Variants in EFL1 observed in about 807,000 individuals in gnomAD.
The protein encoded by EFL1 is elongation factor-like GTPase 1.
In EFL1, 76 loss-of-function variants were observed where a neutral mutation model predicts 126.7. The ratio of observed to expected loss-of-function variants is 0.60; its 90% CI spans 0.50 to 0.73. The LOEUF is 0.73. Ranked by LOEUF, EFL1 falls within the 30% of genes least tolerant of loss-of-function variation. EFL1 has a pLI of 0.00. For synonymous variants in EFL1, 410 were observed against 448.4 expected, an observed-to-expected ratio of 0.91 and a Z score of 1.08; for missense variants, 1,128 against 1,343.2, an observed-to-expected ratio of 0.84 and a Z score of 2.50.
chr15:82,251,860 G>T (rs1335140643), intron 4 of EFL1, among the ~76,000 whole-genome samples: 2 of 152,118 alleles, frequency 1.3e-5, no homozygotes, highest in Non-Finnish European at 2.9e-5. Context: ...TACATTTTGT[G>T]TAAAATTTTC....
rs560069981 is a variant in EFL1 at position 82,143,360 on chromosome 15, G to T, written c.2990-4518C>A. Reference sequence around the variant, plus strand: ...GCAAAATGTACTATTATGGACAAGGGTTGTAAAAGAAAATGGGAAATAAAG... The same window carrying T: ...GCAAAATGTACTATTATGGACAAGGTTTGTAAAAGAAAATGGGAAATAAAG... On this transcript the variant is annotated intron_variant, in intron 18 of 19. Coordinates refer to ENST00000268206, the MANE Select transcript of EFL1 (RefSeq NM_024580.6). Among the ~76,000 whole-genome samples, 13 of 152,258 alleles carry T rather than the reference G, an allele frequency of 8.5e-5. 1 individual carries two copies. In the South Asian group the frequency reaches 1.9e-3, roughly 22 times the overall value.
chr15:82,224,378 T>A, intron 12 of EFL1, among the ~76,000 whole-genome samples: 1 of 152,192 alleles, frequency 6.6e-6, no homozygotes, highest in East Asian at 1.9e-4. Flanking sequence ...CACATTAAAA[T>A]AAATATGACA....
rs1171068389 is a variant in EFL1, at chr15:82,227,515, C to T, written c.1127G>A (p.Arg376Lys). 1 of 1,601,064 alleles carries T rather than the reference C, an allele frequency of 6.2e-7. No homozygotes were observed. Among genetic ancestry groups the T allele is most frequent in the Non-Finnish European group, 8.6e-7 (1 of 1,168,138 alleles). Residue 376 changes from arginine to lysine, a missense_variant, in exon 11 of 20, where the codon AGA becomes AAA. By Grantham distance (26) the Arg-to-Lys change is conservative (BLOSUM62 2). Transcript: ENST00000268206. ...AGTTTGTGATCCTGTGCACATCAGT[C>T]TCTCCACTCTCTCAGCTGTAATATC... ...PLDITAERVE[R>K]LMCTGSQTFD...
chr15:82,218,602 C>T (rs2074675683), intron 14 of EFL1, among the ~76,000 whole-genome samples: 1 of 152,140 alleles, frequency 6.6e-6, no homozygotes, highest in Non-Finnish European at 1.5e-5. Flanking sequence ...AGCAAACTAT[C>T]AAGCCAAGAT....
At chr15:82,138,430 A>ATGTGTGTGTGTG (rs10675439) in intron 19 of EFL1, among the ~76,000 whole-genome samples, 1,651 of 146,066 alleles carry the variant, frequency 0.011, 15 homozygotes, top group African/African-American at 0.031. Flanking sequence ...GAGAGAGTGT[A>ATGTGTGTGTGTG]TGTGTGTGTG....
intron 18 of EFL1, among the ~76,000 whole-genome samples, chr15:82,139,288 C>G (rs1382831124): frequency 6.6e-6 from 1 of 152,178 alleles, no homozygotes; most frequent in East Asian, 1.9e-4. Context: ...AGTAGGCAAG[C>G]AACTGGCATT....
rs1236444059 is a variant in EFL1, at chr15:82,204,418, CCT to C, written c.1750+10297_1750+10298del. On this transcript the variant is annotated intron_variant, in intron 15 of 19. Coordinates refer to ENST00000268206, the MANE Select transcript of EFL1 (RefSeq NM_024580.6). The stretch of plus-strand genomic sequence containing the variant: ...AAAAAATCTACTTAACCAATTTACC[CCT>C]GTCTTACAACTTGCACTCCAATCAG... 7.2e-5 allele frequency among the ~76,000 whole-genome samples: 11 copies of C among 152,218 alleles called. 1 individual carries two copies. The highest frequency in any genetic ancestry group is 4.2e-4 in the South Asian group (2 of 4,816).
intron 19 of EFL1, 56 bp downstream of exon 19, chr15:82,138,602 T>TA: frequency 6.3e-7 from 1 of 1,583,186 alleles, no homozygotes; most frequent in Non-Finnish European, 8.6e-7. Flanking sequence ...GCCTCCTCTG[T>TA]AGGGAATGTA....
At chr15:82,173,357 C>A (rs72749548) in intron 15 of EFL1, among the ~76,000 whole-genome samples, 2 of 152,144 alleles carry the variant, frequency 1.3e-5, no homozygotes, top group Admixed American at 1.3e-4. Context: ...CAAACTTACA[C>A]AGCAAGTTTC....
chr15:82,229,044 C>G lies in EFL1; in HGVS notation c.922G>C (p.Val308Leu). ...LENIWSLYDAVLKKDKDKIDK... is the reference protein window; with the variant it reads ...LENIWSLYDALLKKDKDKIDK... ...CAATAAGAGTCTTACTTTTTCAAAA[C>G]AGCATCATACAAACTCCATATATTT... Residue 308 changes from valine (V) to leucine (L), a missense_variant, in exon 9 of 20, where the codon GTT becomes CTT. Transcript: ENST00000268206. The G allele has an allele frequency of 6.2e-7, 1 of 1,610,688 alleles. No homozygotes were observed.
intron 14 of EFL1, among the ~76,000 whole-genome samples, chr15:82,215,408 T>C (rs972142776): frequency 6.6e-6 from 1 of 152,044 alleles, no homozygotes; most frequent in Non-Finnish European, 1.5e-5. Context: ...TGGAAGAGCA[T>C]GCTGTGATAT....
intron 16 of EFL1, among the ~76,000 whole-genome samples, chr15:82,158,735 T>C (rs1595949313): frequency 2.0e-5 from 3 of 152,342 alleles, no homozygotes; most frequent in Admixed American, 6.5e-5. Flanking sequence ...GTCGATTAAC[T>C]GGGAGCAGGA....
chr15:82,197,494 T>C (rs2074420211), intron 15 of EFL1, among the ~76,000 whole-genome samples: 1 of 152,186 alleles, frequency 6.6e-6, no homozygotes, highest in African/African-American at 2.4e-5. Flanking sequence ...AAAACAAAAC[T>C]AGTGACAATG....
chr15:82,261,296 G>T (rs1289727903), intron 2 of EFL1, among the ~76,000 whole-genome samples: 1 of 152,094 alleles, frequency 6.6e-6, no homozygotes, highest in Non-Finnish European at 1.5e-5. Flanking sequence ...TCCACCTTCA[G>T]ACATACTAAG....
chr15:82,133,372 TAAAGCACC>T (rs1331370559), intron 19 of EFL1, among the ~76,000 whole-genome samples: 23 of 152,214 alleles, frequency 1.5e-4, no homozygotes, highest in African/African-American at 5.5e-4. Flanking sequence ...AGTCATATGG[TAAAGCACC>T]TGGCATATCC....
chr15:82,199,958 T>C (rs1488714508), intron 15 of EFL1, among the ~76,000 whole-genome samples: 4 of 152,234 alleles, frequency 2.6e-5, no homozygotes, highest in African/African-American at 7.2e-5. Flanking sequence ...AAATGAATTA[T>C]TGATACCCTC....
intron 15 of EFL1, among the ~76,000 whole-genome samples, chr15:82,186,728 T>C (rs533793014): frequency 1.3e-5 from 2 of 152,330 alleles, no homozygotes; most frequent in South Asian, 4.1e-4. Flanking sequence ...CAGACCTGAG[T>C]GTTCTATTCC....
intron 7 of EFL1, among the ~76,000 whole-genome samples, chr15:82,234,065 G>A (rs1275256137): frequency 6.6e-6 from 1 of 152,152 alleles, no homozygotes; most frequent in Non-Finnish European, 1.5e-5. Context: ...AAAAGTAAGG[G>A]CTATGTAAAT....
At position 82,205,539 on chromosome 15, in the gene EFL1, TAC is replaced by T. The variant is rs144966014; in HGVS notation, c.1750+9176_1750+9177del. ...ACAAGTATAATCAAACTCCAGTAAA[TAC>T]ACACACACACACACACACAAACACA... On this transcript the variant is annotated intron_variant, in intron 15 of 19. Coordinates refer to ENST00000268206, the MANE Select transcript of EFL1 (RefSeq NM_024580.6). Among the ~76,000 whole-genome samples the T allele has an allele frequency of 7.1e-4, 107 of 149,656 alleles. 1 individual carries two copies. The highest frequency in any genetic ancestry group is 8.4e-4 in the South Asian group (4 of 4,738).
Sources: gnomAD v4.1 joint callset for allele counts (sites outside exome capture counted in the v4.1 genomes callset) on GRCh38, gnomAD v4.1.1 for gene constraint, MANE v1.5 for transcripts, NCBI Gene and HGNC (gene_info 2026-07-23, HGNC 2026-07-21) for gene names.